TMPRSS12: variants seen among roughly 807,000 people sequenced by gnomAD.
The protein encoded by TMPRSS12 is transmembrane protease serine 12.
Under a neutral mutation model 26.0 loss-of-function variants are expected in TMPRSS12, and 25 were observed. That is an observed-to-expected ratio of 0.96 (90% CI 0.70 to 1.34). The LOEUF is 1.34. TMPRSS12 is among the 40% of genes most tolerant of loss of function. The pLI is 0.00. For synonymous variants in TMPRSS12, 150 were observed against 161.7 expected (o/e 0.93, Z 0.55); for missense variants, 441 against 440.1 (o/e 1.00, Z -0.02).
chr12:50,872,545 A>G, intron 3 of TMPRSS12, among the ~76,000 whole-genome samples: 2 of 119,002 alleles, frequency 1.7e-5, no homozygotes, highest in African/African-American at 3.2e-5. Context: ...AAAAAAAAGG[A>G]ACTGTGAAAA....
rs1186678132 is a variant in TMPRSS12, at chr12:50,887,596, A to G, written c.*83A>G. The G allele has an allele frequency of 6.7e-7, 1 of 1,493,112 alleles. No homozygotes were observed. Among genetic ancestry groups the G allele is most frequent in the East Asian group, 2.3e-5 (1 of 43,806 alleles). The allele number at this position is 1,493,112 out of a possible 1,614,324, so 92.5% of individuals were successfully genotyped here. On this transcript the variant is annotated 3_prime_UTR_variant, in exon 5 of 5. Transcript: ENST00000398458. ...TATAATGAACATCATTTATTCTTCTAGCAATTAATTGCCTACATTAGAGAT... is the reference window on the plus strand; with the variant it reads ...TATAATGAACATCATTTATTCTTCTGGCAATTAATTGCCTACATTAGAGAT...
At chr12:50,844,610 C>T (rs12581103) in intron 2 of TMPRSS12, among the ~76,000 whole-genome samples, 30,253 of 151,904 alleles carry the variant, frequency 0.2, 3,421 homozygotes, top group East Asian at 0.42. Flanking sequence ...CTTAACCTCA[C>T]GTGATCTGCC....
At chr12:50,844,673 T>C (rs1592215411) in intron 2 of TMPRSS12, among the ~76,000 whole-genome samples, 1 of 152,124 alleles carries the variant, frequency 6.6e-6, no homozygotes, top group African/African-American at 2.4e-5. Context: ...CCATGCTCGA[T>C]CATGGATCTT....
chr12:50,875,858 C>G (rs1938108604), intron 3 of TMPRSS12, among the ~76,000 whole-genome samples: 1 of 152,132 alleles, frequency 6.6e-6, no homozygotes, highest in Non-Finnish European at 1.5e-5. Flanking sequence ...GAGTTTATGA[C>G]TAAGTCCTCA....
At chr12:50,885,435 G>T in intron 4 of TMPRSS12, 47 bp downstream of exon 4, 1 of 1,610,426 alleles carries the variant, frequency 6.2e-7, no homozygotes, top group Non-Finnish European at 8.5e-7. Context: ...AAGCCAGAAG[G>T]GAACTTGTCA....
intron 2 of TMPRSS12, among the ~76,000 whole-genome samples, chr12:50,857,911 C>T (rs1373005044): frequency 1.3e-5 from 2 of 152,072 alleles, no homozygotes; most frequent in African/African-American, 2.4e-5. Flanking sequence ...TCACTGCAAG[C>T]CCCGCCTCCC....
chr12:50,865,297 A>G (rs552175547), intron 3 of TMPRSS12, among the ~76,000 whole-genome samples: 9 of 152,240 alleles, frequency 5.9e-5, no homozygotes, highest in Admixed American at 3.3e-4. Context: ...ATATCTTTGC[A>G]CTCCAGCCTG....
At chr12:50,880,950 C>T (rs1488003097) in intron 3 of TMPRSS12, among the ~76,000 whole-genome samples, 1 of 135,944 alleles carries the variant, frequency 7.4e-6, no homozygotes, top group Non-Finnish European at 1.5e-5. Flanking sequence ...CCTATAGAGA[C>T]AGGAATCAGT....
chr12:50,872,616 C>T lies in TMPRSS12; in HGVS notation c.653-12630C>T, dbSNP rs140363871. ...ATGACGTATATGTACATATATATGA[C>T]GTATATATGTACATATATATGACGT... On this transcript the variant is annotated intron_variant, in intron 3 of 4. Coordinates refer to ENST00000398458, the MANE Select transcript of TMPRSS12 (RefSeq NM_182559.3). 5.8e-4 allele frequency among the ~76,000 whole-genome samples: 69 copies of T among 118,238 alleles called. 1 individual carries two copies. The highest frequency in any genetic ancestry group is 2.5e-3 in the African/African-American group (67 of 26,892). 77.6% of individuals were successfully genotyped at this position (118,238 alleles called of 152,430 possible).
At chr12:50,862,687 A>C (rs1025341854) in intron 3 of TMPRSS12, among the ~76,000 whole-genome samples, 2 of 152,070 alleles carry the variant, frequency 1.3e-5, no homozygotes, top group Non-Finnish European at 2.9e-5. Flanking sequence ...CACCACGCCC[A>C]GTTAATTTTT....
intron 2 of TMPRSS12, among the ~76,000 whole-genome samples, chr12:50,847,056 A>ACT (rs35320402): frequency 0.1 from 8,535 of 81,436 alleles, 372 homozygotes; most frequent in Middle Eastern, 0.16. Flanking sequence ...CAGTCTAAAA[A>ACT]CTTTTTTTTT....
chr12:50,843,244 C>T (rs1374888370), intron 1 of TMPRSS12, 93 bp downstream of exon 1: 9 of 1,371,452 alleles, frequency 6.6e-6, no homozygotes, highest in Non-Finnish European at 8.6e-6. Flanking sequence ...TTTCTGTTGT[C>T]CCAATGGCCT....
intron 3 of TMPRSS12, among the ~76,000 whole-genome samples, chr12:50,882,528 T>C (rs1442275480): frequency 6.6e-6 from 1 of 152,018 alleles, no homozygotes; most frequent in East Asian, 1.9e-4. Context: ...CTGGTAAGAC[T>C]GGTGACAAAA....
In TMPRSS12 at chr12:50,843,147, A is replaced by G; in HGVS notation, c.183A>G (p.Ala61=). 1.3e-6 allele frequency: 2 copies of G among 1,563,204 alleles called. No individual in the cohort carries two copies. Among genetic ancestry groups the G allele is most frequent in the Non-Finnish European group, 1.7e-6 (2 of 1,153,080 alleles). The stretch of plus-strand genomic sequence containing the variant: ...GGCGGAGGGAGGGAGGGGCGCATGC[A>G]GAGGGCAGTACCTGTTCGTGCCTGT... ...LRRRREGGAH[A]EDCGTAPLKD... Residue 61 remains alanine (A), a synonymous_variant, in exon 1 of 5, where the codon GCA becomes GCG. Transcript: ENST00000398458.
intron 3 of TMPRSS12, among the ~76,000 whole-genome samples, chr12:50,861,871 G>A (rs911813834): frequency 3.1e-4 from 47 of 150,986 alleles, no homozygotes; most frequent in Non-Finnish European, 3.2e-4. Context: ...GTGCAGTGGC[G>A]CAATCTCGGC....
At position 50,887,665 on chromosome 12, in the gene TMPRSS12, A is replaced by G; in HGVS notation, c.*152A>G. Reference sequence around the variant, plus strand: ...GGGCTATAAGTATTGTGACAGATATACAATTGTAATTTTGGCACTGAATCA... The same window carrying G: ...GGGCTATAAGTATTGTGACAGATATGCAATTGTAATTTTGGCACTGAATCA... On this transcript the variant is annotated 3_prime_UTR_variant, in exon 5 of 5. Coordinates refer to ENST00000398458, the MANE Select transcript of TMPRSS12 (RefSeq NM_182559.3). 1.1e-6 allele frequency: 1 copy of G among 946,674 alleles called. No homozygotes were observed. The highest frequency in any genetic ancestry group is 1.5e-6 in the Non-Finnish European group (1 of 658,464). 58.6% of individuals were successfully genotyped at this position (946,674 alleles called of 1,614,324 possible). A position where few individuals can be genotyped will look rare whatever the true frequency, so the allele number is the denominator to read the frequency against.
intron 3 of TMPRSS12, among the ~76,000 whole-genome samples, chr12:50,879,980 A>T (rs1203862021): frequency 6.6e-6 from 1 of 152,094 alleles, no homozygotes; most frequent in Admixed American, 6.6e-5. Context: ...CAAAAACATT[A>T]AAAAATAAAA....
intron 3 of TMPRSS12, among the ~76,000 whole-genome samples, chr12:50,871,938 A>C (rs146057003): frequency 2.0e-5 from 3 of 151,498 alleles, no homozygotes; most frequent in Admixed American, 1.3e-4. Context: ...AAAAAAAAAA[A>C]CAGTAGATGT....
intron 3 of TMPRSS12, among the ~76,000 whole-genome samples, chr12:50,881,171 C>T (rs777255352): frequency 5.1e-4 from 77 of 151,456 alleles, no homozygotes; most frequent in Admixed American, 5.9e-4. Context: ...TTAGTAGAGA[C>T]GGGGTTTCTC....
Sources: allele counts gnomAD v4.1 joint callset (sites outside exome capture counted in the v4.1 genomes callset), GRCh38; gene constraint gnomAD v4.1.1; transcripts MANE v1.5; gene names NCBI Gene and HGNC (gene_info 2026-07-23, HGNC 2026-07-21).